NRG3: variants seen among roughly 807,000 people sequenced by gnomAD.
NRG3 encodes the protein pro-neuregulin-3, membrane-bound isoform.
Under a neutral mutation model 66.9 loss-of-function variants are expected in NRG3, and 31 were observed. The ratio of observed to expected loss-of-function variants is 0.46; its 90% CI spans 0.35 to 0.63. The LOEUF (loss-of-function observed/expected upper bound fraction) is 0.63, where lower values mean the gene tolerates loss of function less well. NRG3 is among the 20% of genes least tolerant of loss of function. NRG3 has a pLI of 0.00. For synonymous variants in NRG3, 393 were observed against 359.4 expected, an observed-to-expected ratio of 1.09 and a Z score of -1.06; for missense variants, 910 against 878.9, an observed-to-expected ratio of 1.04 and a Z score of -0.45.
chr10:82,912,320 T>A (rs1845398935), intron 4 of NRG3, among the ~76,000 whole-genome samples: 1 of 152,204 alleles, frequency 6.6e-6, no homozygotes, highest in South Asian at 2.1e-4. Context: ...CTTACATATT[T>A]TCATGCTGGG....
At chr10:82,266,022 G>A (rs2078275871) in intron 1 of NRG3, among the ~76,000 whole-genome samples, 1 of 152,088 alleles carries the variant, frequency 6.6e-6, no homozygotes, top group African/African-American at 2.4e-5. Flanking sequence ...AGAAGGGAAG[G>A]ACATATTCAG....
intron 1 of NRG3, among the ~76,000 whole-genome samples, chr10:82,200,022 T>A (rs539024399): frequency 6.6e-6 from 1 of 151,964 alleles, no homozygotes; most frequent in Non-Finnish European, 1.5e-5. Context: ...ATCCGAAAAA[T>A]GTACATAATT....
intron 2 of NRG3, among the ~76,000 whole-genome samples, chr10:82,461,069 G>T (rs947083612): frequency 7.0e-6 from 1 of 143,876 alleles, no homozygotes; most frequent in African/African-American, 2.6e-5. Flanking sequence ...CAGCACTACC[G>T]CCACCATCAA....
At chr10:82,860,029 G>A (rs2064033702) in intron 3 of NRG3, among the ~76,000 whole-genome samples, 1 of 152,114 alleles carries the variant, frequency 6.6e-6, no homozygotes, top group African/African-American at 2.4e-5. Context: ...TAAGTATGTT[G>A]CTAGTTGTAA....
chr10:82,517,636 CGTGTGTGTTTGTGTGTGTGTGTGTG>C (rs1845791926), intron 2 of NRG3, among the ~76,000 whole-genome samples: 1 of 110,578 alleles, frequency 9.0e-6, no homozygotes, highest in African/African-American at 5.2e-5. Flanking sequence ...CCCGCCCCCC[CGTGTGTGTTTGTGTGTGTGTGTGTG>C]TGTGTGTGCA....
chr10:82,064,338 G>A (rs1463226834), intron 1 of NRG3, among the ~76,000 whole-genome samples: 3 of 151,274 alleles, frequency 2.0e-5, no homozygotes, highest in Admixed American at 6.6e-5. Context: ...CTAACTAAAG[G>A]TAATCATTTT....
intron 1 of NRG3, among the ~76,000 whole-genome samples, chr10:82,078,826 T>C (rs1808630607): frequency 6.6e-6 from 1 of 152,200 alleles, no homozygotes. Context: ...GAAATTAAGT[T>C]GCACAGAACA....
chr10:82,274,399 A>G (rs529774438), intron 1 of NRG3, among the ~76,000 whole-genome samples: 1 of 151,732 alleles, frequency 6.6e-6, no homozygotes, highest in Non-Finnish European at 1.5e-5. Context: ...AAGAAGAATT[A>G]GTTGTCAGAT....
At chr10:82,864,692 G>T (rs1016215956) in intron 3 of NRG3, among the ~76,000 whole-genome samples, 1 of 152,174 alleles carries the variant, frequency 6.6e-6, no homozygotes, top group African/African-American at 2.4e-5. Context: ...GATGTTAGCT[G>T]GTCAGGATGG....
At chr10:81,989,866 A>G (rs1589703342) in intron 1 of NRG3, among the ~76,000 whole-genome samples, 1 of 152,144 alleles carries the variant, frequency 6.6e-6, no homozygotes. Context: ...TGGTGAAAAA[A>G]TGGACAGGAA....
At chr10:82,727,291 C>A (rs1005426898) in intron 2 of NRG3, among the ~76,000 whole-genome samples, 1 of 151,776 alleles carries the variant, frequency 6.6e-6, no homozygotes, top group Non-Finnish European at 1.5e-5. Context: ...GAGATCTTCA[C>A]GGCAGCCCCT....
chr10:82,258,833 G>C (rs941053787), intron 1 of NRG3, among the ~76,000 whole-genome samples: 1 of 152,128 alleles, frequency 6.6e-6, no homozygotes, highest in Non-Finnish European at 1.5e-5. Flanking sequence ...GATAGATCCA[G>C]GATTTAATGC....
intron 1 of NRG3, among the ~76,000 whole-genome samples, chr10:82,334,929 T>C (rs1245266827): frequency 6.6e-6 from 1 of 152,238 alleles, no homozygotes; most frequent in Non-Finnish European, 1.5e-5. Flanking sequence ...CCAGCATTTA[T>C]TGATTACACA....
chr10:82,270,288 T>C (rs1180087744), intron 1 of NRG3, among the ~76,000 whole-genome samples: 1 of 152,180 alleles, frequency 6.6e-6, no homozygotes. Context: ...ATTGGAACTG[T>C]CACTCTCTAT....
chr10:82,940,335 C>G (rs920493307), intron 4 of NRG3, among the ~76,000 whole-genome samples: 1 of 152,134 alleles, frequency 6.6e-6, no homozygotes, highest in Non-Finnish European at 1.5e-5. Context: ...TTGCCTCTTT[C>G]TTAGCTTCTG....
intron 1 of NRG3, chr10:82,232,174 C>A (rs2076509755): frequency 6.6e-6 from 1 of 152,258 alleles, no homozygotes; most frequent in Non-Finnish European, 1.5e-5. Context: ...AGGGAAAACA[C>A]ACCTTATATA....
intron 1 of NRG3, among the ~76,000 whole-genome samples, chr10:81,977,533 T>C (rs1180787097): frequency 4.6e-5 from 7 of 152,230 alleles, no homozygotes; most frequent in Non-Finnish European, 7.3e-5. Context: ...TTCAAACACA[T>C]GATAACCTTC....
At chr10:82,838,477 T>C (rs1227033829) in intron 3 of NRG3, among the ~76,000 whole-genome samples, 2 of 152,118 alleles carry the variant, frequency 1.3e-5, no homozygotes, top group Non-Finnish European at 2.9e-5. Context: ...GAAATAAAAG[T>C]AAGGAATATT....
intron 1 of NRG3, among the ~76,000 whole-genome samples, chr10:81,971,380 A>G (rs2059927529): frequency 6.6e-6 from 1 of 152,356 alleles, no homozygotes; most frequent in African/African-American, 2.4e-5. Flanking sequence ...GTTGAGATGT[A>G]AAGTATTGTT....
Sources: allele counts gnomAD v4.1 joint callset (sites outside exome capture counted in the v4.1 genomes callset), GRCh38; gene constraint gnomAD v4.1.1; transcripts MANE v1.5; gene names NCBI Gene and HGNC (gene_info 2026-07-23, HGNC 2026-07-21).